The following DYNC1I1 variants were observed in gnomAD, a reference collection of about 807,000 sequenced individuals.
The protein encoded by DYNC1I1 is cytoplasmic dynein 1 intermediate chain 1.
DYNC1I1 carries 43 observed loss-of-function variants against 86.6 expected under a neutral mutation model. The observed-to-expected ratio is 0.50, with a 90% CI of 0.39 to 0.64. The LOEUF (loss-of-function observed/expected upper bound fraction) is 0.64. Ranked by LOEUF, DYNC1I1 falls within the 30% of genes least tolerant of loss-of-function variation. The pLI, the probability that DYNC1I1 is intolerant of heterozygous loss-of-function variation, is 0.00. For synonymous variants in DYNC1I1, 262 were observed against 283.7 expected (o/e 0.92, Z 0.77); for missense variants, 604 against 788.8 (o/e 0.77, Z 2.81).
intron 16 of DYNC1I1, among the ~76,000 whole-genome samples, chr7:96,084,547 T>A (rs1290591270): frequency 6.7e-6 from 1 of 149,380 alleles, no homozygotes; most frequent in Non-Finnish European, 1.5e-5. Flanking sequence ...CTTAGCCTCC[T>A]AAGTATCTGG....
chr7:95,789,679 C>T (rs1794242282), intron 1 of DYNC1I1, among the ~76,000 whole-genome samples: 1 of 152,124 alleles, frequency 6.6e-6, no homozygotes, highest in African/African-American at 2.4e-5. Context: ...TAGTGAACAC[C>T]TTTCTCTGTT....
At chr7:96,044,787 A>C (rs1789159424) in intron 14 of DYNC1I1, among the ~76,000 whole-genome samples, 5 of 152,188 alleles carry the variant, frequency 3.3e-5, no homozygotes, top group South Asian at 4.1e-4. Context: ...AAGTGGAGCT[A>C]CTGAAGGGAG....
At chr7:96,061,527 G>T (rs1285253877) in intron 14 of DYNC1I1, among the ~76,000 whole-genome samples, 3 of 152,028 alleles carry the variant, frequency 2.0e-5, no homozygotes, top group Admixed American at 2.0e-4. Flanking sequence ...GCATTAGGAG[G>T]CTTACCTAGA....
intron 6 of DYNC1I1, among the ~76,000 whole-genome samples, chr7:95,931,613 A>T (rs1436799503): frequency 6.6e-6 from 1 of 152,212 alleles, no homozygotes; most frequent in Admixed American, 6.5e-5. Flanking sequence ...CCCAAAGGCC[A>T]ATCCAGCTCC....
chr7:95,812,910 A>T (rs556487255), intron 3 of DYNC1I1, among the ~76,000 whole-genome samples: 133 of 152,266 alleles, frequency 8.7e-4, no homozygotes, highest in Non-Finnish European at 1.0e-4. Flanking sequence ...AATCAGAATT[A>T]TCTGGATGGT....
intron 6 of DYNC1I1, among the ~76,000 whole-genome samples, chr7:95,920,120 C>T (rs1400632591): frequency 3.3e-5 from 5 of 152,090 alleles, no homozygotes; most frequent in African/African-American, 7.2e-5. Context: ...ATCCTATAGT[C>T]GAGGAACTGG....
chr7:96,097,390 G>T lies in DYNC1I1; in HGVS notation c.1777-93G>T, dbSNP rs1584319794. 7 of 1,361,192 alleles carry T rather than the reference G, an allele frequency of 5.1e-6. No individual in the cohort carries two copies. In the East Asian group the frequency reaches 1.6e-4, roughly 32 times the overall value. 84.3% of individuals were successfully genotyped at this position (1,361,192 alleles called of 1,614,324 possible). ...TCCAAGGGAAACATCTGCTTTGGAG[G>T]GTGTGGGGGCAAAGGGACAGTCATT... On this transcript the variant is annotated intron_variant, in intron 16 of 16. Transcript: ENST00000447467.
intron 6 of DYNC1I1, among the ~76,000 whole-genome samples, chr7:95,871,540 T>C (rs1384058464): frequency 1.3e-5 from 2 of 152,152 alleles, no homozygotes; most frequent in East Asian, 1.9e-4. Flanking sequence ...GCTGGAGGCA[T>C]GTTTATTTAG....
chr7:95,801,770 G>A (rs768311364), intron 1 of DYNC1I1, among the ~76,000 whole-genome samples: 1 of 152,132 alleles, frequency 6.6e-6, no homozygotes, highest in African/African-American at 2.4e-5. Flanking sequence ...TGGAATTCCT[G>A]CCAGGAATTT....
At chr7:96,078,708 T>C (rs192374997) in intron 15 of DYNC1I1, among the ~76,000 whole-genome samples, 38 of 152,252 alleles carry the variant, frequency 2.5e-4, no homozygotes, top group Admixed American at 2.2e-3. Context: ...TGTTCATAGA[T>C]TACCTAATTC....
chr7:95,874,086 T>C (rs1251264879), intron 6 of DYNC1I1, among the ~76,000 whole-genome samples: 1 of 152,224 alleles, frequency 6.6e-6, no homozygotes, highest in Non-Finnish European at 1.5e-5. Flanking sequence ...CACCTCATCC[T>C]AGTGTCTTTA....
At chr7:95,995,667 C>T (rs1318762267) in intron 9 of DYNC1I1, among the ~76,000 whole-genome samples, 1 of 152,072 alleles carries the variant, frequency 6.6e-6, no homozygotes, top group African/African-American at 2.4e-5. Context: ...GAAGCCAATA[C>T]AGGAGAGGAA....
At chr7:95,988,569 T>G (rs1793653704) in intron 9 of DYNC1I1, among the ~76,000 whole-genome samples, 1 of 152,192 alleles carries the variant, frequency 6.6e-6, no homozygotes, top group South Asian at 2.1e-4. Flanking sequence ...CACAGCCTAG[T>G]GTGGTGACAT....
chr7:96,069,735 A>G (rs1790105534), intron 14 of DYNC1I1, among the ~76,000 whole-genome samples: 1 of 152,180 alleles, frequency 6.6e-6, no homozygotes, highest in African/African-American at 2.4e-5. Flanking sequence ...TTTTATATGG[A>G]TAATTAGCTT....
intron 10 of DYNC1I1, among the ~76,000 whole-genome samples, chr7:96,006,171 C>A (rs1004696963): frequency 5.9e-5 from 9 of 152,148 alleles, no homozygotes; most frequent in African/African-American, 2.2e-4. Flanking sequence ...CATATATCCC[C>A]ACTTAATATG....
intron 4 of DYNC1I1, among the ~76,000 whole-genome samples, chr7:95,815,441 A>G (rs1045040226): frequency 6.6e-6 from 1 of 152,224 alleles, no homozygotes; most frequent in Non-Finnish European, 1.5e-5. Flanking sequence ...AAAACTGAGC[A>G]CAAAGTTTGC....
chr7:95,867,294 T>G (rs1790038958), intron 5 of DYNC1I1, among the ~76,000 whole-genome samples: 1 of 152,208 alleles, frequency 6.6e-6, no homozygotes, highest in African/African-American at 2.4e-5. Flanking sequence ...AAGAGCCACT[T>G]GATATATACC....
At chr7:95,906,879 G>A (rs2116327173) in intron 6 of DYNC1I1, among the ~76,000 whole-genome samples, 1 of 152,218 alleles carries the variant, frequency 6.6e-6, no homozygotes, top group Non-Finnish European at 1.5e-5. Flanking sequence ...GCAAGTGGCT[G>A]ATTCTCAGAG....
At chr7:95,784,390 G>A (rs964735145) in intron 1 of DYNC1I1, among the ~76,000 whole-genome samples, 15 of 152,240 alleles carry the variant, frequency 9.9e-5, no homozygotes, top group South Asian at 2.1e-4. Flanking sequence ...GGCCAGTGCC[G>A]TAGCAAAGGA....
Sources: gnomAD v4.1 joint callset for allele counts (sites outside exome capture counted in the v4.1 genomes callset) on GRCh38, gnomAD v4.1.1 for gene constraint, MANE v1.5 for transcripts, NCBI Gene and HGNC (gene_info 2026-07-23, HGNC 2026-07-21) for gene names.